WIPI2: variants seen among roughly 807,000 people sequenced by gnomAD.
WIPI2 encodes WD repeat domain phosphoinositide-interacting protein 2.
WIPI2 carries 28 observed loss-of-function variants against 52.3 expected under a neutral mutation model. That is an observed-to-expected ratio of 0.54 (90% CI 0.40 to 0.73). WIPI2 has a LOEUF of 0.73. Ranked by LOEUF, WIPI2 falls within the 30% of genes least tolerant of loss-of-function variation. WIPI2 has a pLI of 0.00. For missense variants in WIPI2, 506 were observed against 602.9 expected (o/e 0.84, Z 1.68); for synonymous variants, 268 against 245.0 (o/e 1.09, Z -0.88).
intron 1 of WIPI2, among the ~76,000 whole-genome samples, chr7:5,192,072 A>G (rs992468594): frequency 4.6e-5 from 7 of 152,112 alleles, no homozygotes; most frequent in Admixed American, 4.6e-4. Context: ...TTCTGTTTAC[A>G]GAGTAGAATT....
rs1436431597 is a variant in WIPI2 at position 5,231,986 on chromosome 7, C to T, written c.*1039C>T. The T allele has an allele frequency of 2.5e-6, 1 of 393,472 alleles. No individual in the cohort carries two copies. 24.4% of individuals were successfully genotyped at this position (393,472 alleles called of 1,614,324 possible). A position where few individuals can be genotyped will look rare whatever the true frequency, so the allele number is the denominator to read the frequency against. Reference sequence around the variant, plus strand: ...ATCTTAGAAAATTTCCTCAGCAAACCGATGAGAGATTGTGGTTGCAAGCTT... The same window carrying T: ...ATCTTAGAAAATTTCCTCAGCAAACTGATGAGAGATTGTGGTTGCAAGCTT... On this transcript the variant is annotated 3_prime_UTR_variant, in exon 13 of 13. Coordinates refer to ENST00000288828, the MANE Select transcript of WIPI2 (RefSeq NM_015610.4).
Position 5,227,469 on chromosome 7 carries a change from C to G in WIPI2, c.1013+125C>G, listed in dbSNP as rs1278399424. On this transcript the variant is annotated intron_variant, in intron 10 of 12. Transcript: ENST00000288828. The surrounding 1 kb of genome is among the most constrained non-coding windows in gnomAD (Gnocchi z 8.1). The stretch of plus-strand genomic sequence containing the variant: ...CAGCTTCTTAGAGCCGACACTCCAT[C>G]GAGAGTTGTCGGGGATGGGAGGTCC... 1 of 1,332,068 alleles carries G rather than the reference C, an allele frequency of 7.5e-7. No homozygotes were observed. Among genetic ancestry groups the G allele is most frequent in the African/African-American group, 1.5e-5 (1 of 67,826 alleles). The allele number at this position is 1,332,068 out of a possible 1,614,324, so 82.5% of individuals were successfully genotyped here.
At chr7:5,228,282 G>GT in intron 11 of WIPI2, 71 bp downstream of exon 11, 1 of 1,377,192 alleles carries the variant, frequency 7.3e-7, no homozygotes, top group Non-Finnish European at 9.8e-7. Flanking sequence ...CCTGGCGAAC[G>GT]TTTGTTTATT....
chr7:5,228,218 C>G lies in WIPI2; in HGVS notation c.1121+7C>G, dbSNP rs11760558. 49,714 of 1,607,430 alleles carry G rather than the reference C, an allele frequency of 0.031. 926 individuals carry two copies. Among genetic ancestry groups the G allele is most frequent in the Middle Eastern group, 0.082 (488 of 5,916 alleles). On this transcript the variant is annotated splice_region_variant and intron_variant, in intron 11 of 12. Coordinates refer to ENST00000288828, the MANE Select transcript of WIPI2 (RefSeq NM_015610.4). The stretch of plus-strand genomic sequence containing the variant: ...CCCTGATGAAGCAGCACCGGTGAGT[C>G]TGCTCCGGCCGCTTCACGGAGCTGC...
chr7:5,207,596 A>G (rs1308535907), intron 3 of WIPI2, among the ~76,000 whole-genome samples: 1 of 152,054 alleles, frequency 6.6e-6, no homozygotes, highest in South Asian at 2.1e-4. Context: ...ATTCTCGTAC[A>G]AGTCTTTTAA....
chr7:5,227,454 G>A lies in WIPI2; in HGVS notation c.1013+110G>A. Reference sequence around the variant, plus strand: ...GCTTCTGAACAGGAGCAGCTTCTTAGAGCCGACACTCCATCGAGAGTTGTC... The same window carrying A: ...GCTTCTGAACAGGAGCAGCTTCTTAAAGCCGACACTCCATCGAGAGTTGTC... On this transcript the variant is annotated intron_variant, in intron 10 of 12. Transcript: ENST00000288828. The surrounding 1 kb of genome is among the most constrained non-coding windows in gnomAD (Gnocchi z 8.1). The A allele has an allele frequency of 7.1e-7, 1 of 1,416,834 alleles. No homozygotes were observed. 87.8% of individuals were successfully genotyped at this position (1,416,834 alleles called of 1,614,324 possible). A position where few individuals can be genotyped will look rare whatever the true frequency, so the allele number is the denominator to read the frequency against.
chr7:5,219,568 G>A (rs28479319), intron 7 of WIPI2, among the ~76,000 whole-genome samples: 13,015 of 152,212 alleles, frequency 0.086, 722 homozygotes, highest in Middle Eastern at 0.13. Context: ...CAGGTGCTGA[G>A]GCCCCCTGAG....
intron 1 of WIPI2, among the ~76,000 whole-genome samples, chr7:5,192,398 T>C (rs1385926612): frequency 6.6e-6 from 1 of 152,226 alleles, no homozygotes; most frequent in Non-Finnish European, 1.5e-5. Context: ...AGTTTTTCAC[T>C]AATTATTTCT....
At chr7:5,216,863 G>A in intron 5 of WIPI2, 2 of 691,128 alleles carry the variant, frequency 2.9e-6, no homozygotes, top group Non-Finnish European at 2.4e-6. Flanking sequence ...TCAAGTTTGA[G>A]GTTACTGATC....
At chr7:5,200,285 G>A (rs1486264108) in intron 3 of WIPI2, among the ~76,000 whole-genome samples, 1 of 152,158 alleles carries the variant, frequency 6.6e-6, no homozygotes, top group African/African-American at 2.4e-5. Flanking sequence ...AATAGTATTT[G>A]CTGAGTAAAG....
intron 11 of WIPI2, among the ~76,000 whole-genome samples, 157 bp downstream of exon 11, chr7:5,228,368 T>C (rs1210338018): frequency 6.6e-6 from 1 of 152,256 alleles, no homozygotes. Context: ...AGCTTCGCTT[T>C]CCCAGGTGAA....
chr7:5,233,597 G>A lies in WIPI2; in HGVS notation c.*2650G>A, dbSNP rs1201937290. The stretch of plus-strand genomic sequence containing the variant: ...CTCTAAAACAATGGGACCAAGAGCT[G>A]GATGGAACCTGGAGTCAAAAAGAAC... On this transcript the variant is annotated 3_prime_UTR_variant, in exon 13 of 13. Transcript: ENST00000288828. 2 of 152,622 alleles carry A rather than the reference G, an allele frequency of 1.3e-5. No individual in the cohort carries two copies. The highest frequency in any genetic ancestry group is 2.9e-5 in the Non-Finnish European group (2 of 68,070). The allele number at this position is 152,622 out of a possible 1,614,324, so 9.5% of individuals were successfully genotyped here. A position where few individuals can be genotyped will look rare whatever the true frequency, so the allele number is the denominator to read the frequency against.
At chr7:5,201,205 C>G (rs1206764618) in intron 3 of WIPI2, among the ~76,000 whole-genome samples, 1 of 152,242 alleles carries the variant, frequency 6.6e-6, no homozygotes, top group East Asian at 1.9e-4. Flanking sequence ...GACTGAAACT[C>G]AGTCCAGATC....
chr7:5,208,476 CTT>C (rs1562392730), intron 3 of WIPI2, among the ~76,000 whole-genome samples: 1 of 150,882 alleles, frequency 6.6e-6, no homozygotes, highest in African/African-American at 2.4e-5. Flanking sequence ...GTCCAGGAAA[CTT>C]TTGCCTACCC....
intron 3 of WIPI2, among the ~76,000 whole-genome samples, chr7:5,206,421 T>A (rs1358260631): frequency 6.6e-6 from 1 of 152,240 alleles, no homozygotes; most frequent in East Asian, 1.9e-4. Context: ...ATATGGAGGT[T>A]CATTTTACTG....
chr7:5,190,511 G>T lies in WIPI2; in HGVS notation c.74+18G>T. 6.7e-7 allele frequency: 1 copy of T among 1,491,158 alleles called. No homozygotes were observed. The allele number at this position is 1,491,158 out of a possible 1,614,324, so 92.4% of individuals were successfully genotyped here. On this transcript the variant is annotated intron_variant, in intron 1 of 12. Coordinates refer to ENST00000288828, the MANE Select transcript of WIPI2 (RefSeq NM_015610.4). ...GACAACACGTAAGGCCGGGGTCGGG[G>T]GTCGGAGTCGGGGTGAGGCCAGGGT...
Position 5,227,161 on chromosome 7 carries a change from T to C in WIPI2, c.849-19T>C. The C allele has an allele frequency of 6.2e-7, 1 of 1,613,546 alleles. No homozygotes were observed. Among genetic ancestry groups the C allele is most frequent in the South Asian group, 1.1e-5 (1 of 91,070 alleles). On this transcript the variant is annotated intron_variant, in intron 9 of 12. Coordinates refer to ENST00000288828, the MANE Select transcript of WIPI2 (RefSeq NM_015610.4). The surrounding 1 kb of genome is among the most constrained non-coding windows in gnomAD (Gnocchi z 8.1). ...CAGGGAGGGTGCAGCTTCATGTGTC[T>C]GGTGGCCTTTCCTTCCAGACCCCCA...
chr7:5,193,030 T>G lies in WIPI2; in HGVS notation c.75-88T>G, dbSNP rs570975220. 6.8e-6 allele frequency: 9 copies of G among 1,319,398 alleles called. No homozygotes were observed. The African/African-American group carries it at 1.2e-4, about 17-fold the overall frequency. The allele number at this position is 1,319,398 out of a possible 1,614,324, so 81.7% of individuals were successfully genotyped here. ...GGTAATATGATTTCCAATGTCGTACTTTTTCATGATTCCTATCCTAAAAGT... is the reference window on the plus strand; with the variant it reads ...GGTAATATGATTTCCAATGTCGTACGTTTTCATGATTCCTATCCTAAAAGT... On this transcript the variant is annotated intron_variant, in intron 1 of 12. Transcript: ENST00000288828.
chr7:5,228,564 C>T (rs1336296529), intron 11 of WIPI2, among the ~76,000 whole-genome samples: 1 of 152,228 alleles, frequency 6.6e-6, no homozygotes, highest in Admixed American at 6.5e-5. Flanking sequence ...AGGAAGGGCG[C>T]AGCGTGGTGG....
Sources: allele counts gnomAD v4.1 joint callset (sites outside exome capture counted in the v4.1 genomes callset), GRCh38; gene constraint gnomAD v4.1.1; non-coding constraint Gnocchi (gnomAD v3.1); transcripts MANE v1.5; gene names NCBI Gene and HGNC (gene_info 2026-07-23, HGNC 2026-07-21).